The following NDUFS2 variants were observed in gnomAD, a reference collection of about 807,000 sequenced individuals.
NDUFS2 encodes NADH dehydrogenase [ubiquinone] iron-sulfur protein 2, mitochondrial.
NDUFS2 carries 38 observed loss-of-function variants against 69.6 expected under a neutral mutation model. The observed-to-expected ratio is 0.55, with a 90% CI of 0.42 to 0.72. NDUFS2 has a LOEUF of 0.72. NDUFS2 is among the 30% of genes least tolerant of loss of function. The pLI, the probability that NDUFS2 is intolerant of heterozygous loss-of-function variation, is 0.00. For synonymous variants in NDUFS2, 194 were observed against 211.2 expected, an observed-to-expected ratio of 0.92 and a Z score of 0.70; for missense variants, 468 against 595.0, an observed-to-expected ratio of 0.79 and a Z score of 2.22.
chr1:161,202,051 C>G, upstream of NDUFS2: 2 of 429,912 alleles, frequency 4.7e-6, no homozygotes, highest in South Asian at 2.1e-5. Context: ...GGGAAGGAAG[C>G]GCCGCGCGTT....
upstream of NDUFS2, chr1:161,198,130 C>T (rs770076669): frequency 8.1e-6 from 13 of 1,613,966 alleles, no homozygotes; most frequent in African/African-American, 1.3e-5. The surrounding 1 kb of genome is among the most constrained non-coding windows in gnomAD (Gnocchi z 4.7). Context: ...GGGTGCCTCC[C>T]TCCAGGGGCT....
At position 161,203,500 on chromosome 1, in the gene NDUFS2, C is replaced by T. The variant is rs759535654; in HGVS notation, c.159C>T (p.Tyr53=). ...AGCAGTTTGGGGGAGCTGTTATGTA[C>T]CCAAGCAAAGAAACAGCCCACTGGA... ...WAQQFGGAVM[Y]PSKETAHWKP... is the part of the protein sequence containing the mutation. Residue 53 remains tyrosine, a synonymous_variant, in exon 2 of 14, where the codon TAC becomes TAT. Coordinates refer to ENST00000676972, the MANE Select transcript of NDUFS2 (RefSeq NM_001377299.1). 6 of 1,614,044 alleles carry T rather than the reference C, an allele frequency of 3.7e-6. No homozygotes were observed. Among genetic ancestry groups the T allele is most frequent in the Middle Eastern group, 1.7e-4 (1 of 6,004 alleles).
At position 161,214,285 on chromosome 1, in the gene NDUFS2, G is replaced by A; in HGVS notation, c.*92G>A. The A allele has an allele frequency of 8.9e-7, 1 of 1,118,038 alleles. No individual in the cohort carries two copies. Among genetic ancestry groups the A allele is most frequent in the Non-Finnish European group, 1.4e-6 (1 of 740,468 alleles). The allele number at this position is 1,118,038 out of a possible 1,614,324, so 69.3% of individuals were successfully genotyped here. A position where few individuals can be genotyped will look rare whatever the true frequency, so the allele number is the denominator to read the frequency against. Reference sequence around the variant, plus strand: ...AATTGGCCTCTGTGTGTGTGTGTGTGTGTGTGTGTGTGTGTATGTTCATGT... The same window carrying A: ...AATTGGCCTCTGTGTGTGTGTGTGTATGTGTGTGTGTGTGTATGTTCATGT... On this transcript the variant is annotated 3_prime_UTR_variant, in exon 14 of 14. Transcript: ENST00000676972.
chr1:161,212,208 C>A, intron 9 of NDUFS2, 143 bp from the exon 10 acceptor site: 1 of 1,064,874 alleles, frequency 9.4e-7, no homozygotes, highest in Non-Finnish European at 1.4e-6. Flanking sequence ...TATGGGTGGC[C>A]AAGCCAAGCA....
At chr1:161,198,670 C>A, upstream of NDUFS2, 1 of 1,443,594 alleles carries the variant, frequency 6.9e-7, no homozygotes, top group South Asian at 1.5e-5. The surrounding 1 kb of genome is among the most constrained non-coding windows in gnomAD (Gnocchi z 4.7). Context: ...CCGTCTAGGG[C>A]ACCAAGTCCT....
At chr1:161,206,643 T>C in intron 3 of NDUFS2, 46 bp downstream of exon 3, 1 of 1,601,268 alleles carries the variant, frequency 6.2e-7, no homozygotes, top group Non-Finnish European at 8.5e-7. Flanking sequence ...TGGGGTTGCT[T>C]TAGCCTGGGG....
At position 161,209,876 on chromosome 1, in the gene NDUFS2, G is replaced by C. The variant is rs747789209; in HGVS notation, c.647G>C (p.Arg216Pro). The C allele has an allele frequency of 6.2e-7, 1 of 1,614,082 alleles. No individual in the cohort carries two copies. The highest frequency in any genetic ancestry group is 8.5e-7 in the Non-Finnish European group (1 of 1,180,030). Reference protein sequence around the residue: ...EREKMFEFYERVSGARMHAAY... With the variant: ...EREKMFEFYEPVSGARMHAAY... ...ATGAAGATGTTTGAGTTCTACGAGC[G>C]AGTGTCTGGAGCCCGAATGCATGCT... Residue 216 changes from arginine to proline, a missense_variant, in exon 6 of 14, where the codon CGA becomes CCA. Physicochemically the swap from Arg to Pro is moderately radical, Grantham distance 103. Around this residue, in one of 3 missense-constraint regions of NDUFS2, gnomAD observed 339 missense variants for 433.8 expected, o/e 0.78. Coordinates refer to ENST00000676972, the MANE Select transcript of NDUFS2 (RefSeq NM_001377299.1).
At chr1:161,210,254 T>G (rs1173711698) in intron 7 of NDUFS2, 50 bp from the exon 8 acceptor site, 1 of 1,610,088 alleles carries the variant, frequency 6.2e-7, no homozygotes, top group South Asian at 1.1e-5. Flanking sequence ...ACAGAGATAT[T>G]TGAAGAGTGT....
At position 161,203,528 on chromosome 1, in the gene NDUFS2, C is replaced by T. The variant is rs780326493; in HGVS notation, c.187C>T (p.Pro63Ser). The T allele has an allele frequency of 1.2e-6, 2 of 1,613,476 alleles. No individual in the cohort carries two copies. The highest frequency in any genetic ancestry group is 2.7e-5 in the African/African-American group (2 of 74,922). The change falls in exon 2 of 14, where the codon CCT becomes TCT. Residue 63 changes from proline to serine, a missense_variant. Physicochemically the swap from Pro to Ser is moderately conservative, Grantham distance 74. Coordinates refer to ENST00000676972, the MANE Select transcript of NDUFS2 (RefSeq NM_001377299.1). ...AAGCAAAGAAACAGCCCACTGGAAG[C>T]CTCCACCTTGGAATGGTGAGTGACC... is the stretch of plus-strand genomic sequence containing the variant. ...YPSKETAHWK[P>S]PPWNDVDPPK... is the part of the protein sequence containing the mutation.
chr1:161,212,880 G>GTA (rs1174572674), intron 10 of NDUFS2, among the ~76,000 whole-genome samples: 1 of 151,912 alleles, frequency 6.6e-6, no homozygotes. Context: ...AGAATTTACT[G>GTA]TGTAGTAAGA....
intron 8 of NDUFS2, 69 bp from the exon 9 acceptor site, chr1:161,210,522 C>A (rs1571617333): frequency 6.2e-6 from 10 of 1,611,502 alleles, no homozygotes; most frequent in African/African-American, 4.0e-5. Flanking sequence ...ACAAGGGAGG[C>A]TAAGGAAGAA....
Position 161,209,944 on chromosome 1 carries a change from C to T in NDUFS2, c.702+13C>T. 2.5e-6 allele frequency: 4 copies of T among 1,613,666 alleles called. No homozygotes were observed. The highest frequency in any genetic ancestry group is 2.7e-5 in the African/African-American group (2 of 75,010). ...AGGAGTGCACCAGGTGAGCAGGTCC[C>T]CGGCTTCCCCAAATGTCCAGCCCAG... On this transcript the variant is annotated intron_variant, in intron 6 of 13. Transcript: ENST00000676972.
chr1:161,212,808 T>C (rs988725373), intron 10 of NDUFS2, among the ~76,000 whole-genome samples: 2 of 152,112 alleles, frequency 1.3e-5, no homozygotes, highest in African/African-American at 4.8e-5. Flanking sequence ...ATCCTTGGCC[T>C]CCCAAAGTGC....
intron 12 of NDUFS2, 36 bp from the exon 13 acceptor site, chr1:161,213,826 AGT>A: frequency 6.2e-7 from 1 of 1,613,090 alleles, no homozygotes; most frequent in Non-Finnish European, 8.5e-7. Context: ...CCACCTTGCA[AGT>A]CTTAACTAAC....
upstream of NDUFS2, chr1:161,198,883 C>T: frequency 2.3e-6 from 1 of 438,664 alleles, no homozygotes; most frequent in Admixed American, 3.9e-5. This position sits in a 1 kb window ranked among gnomAD's most constrained non-coding sequence, Gnocchi z 4.7. Context: ...TTTGTCTCTC[C>T]CTGCCTGTGT....
chr1:161,212,264 CT>C, intron 9 of NDUFS2, 86 bp from the exon 10 acceptor site: 1 of 1,565,604 alleles, frequency 6.4e-7, no homozygotes. Flanking sequence ...TGACCTAACC[CT>C]TTTGAGGTTG....
intron 10 of NDUFS2, 38 bp from the exon 11 acceptor site, chr1:161,213,342 G>A (rs763952393): frequency 1.4e-6 from 2 of 1,426,816 alleles, no homozygotes; most frequent in East Asian, 2.3e-5. Flanking sequence ...ACAGAGTTTG[G>A]ATATGGTTTA....
At chr1:161,209,449 G>T in intron 4 of NDUFS2, 34 bp from the exon 5 acceptor site, 2 of 1,611,074 alleles carry the variant, frequency 1.2e-6, no homozygotes, top group Non-Finnish European at 1.7e-6. Flanking sequence ...TCAGTGCTTG[G>T]CTCCTATATC....
Position 161,213,931 on chromosome 1 carries a change from C to A in NDUFS2, c.1354+10C>A, listed in dbSNP as rs201275792. 229 of 1,614,048 alleles carry A rather than the reference C, an allele frequency of 1.4e-4. 2 individuals carry two copies. Among genetic ancestry groups the A allele is most frequent in the Admixed American group, 2.5e-4 (15 of 59,992 alleles). ...GTCGTTGCCATCATAGGTACGAGGC[C>A]TATTGTGTAGTAGAGGTATCCTAGA... On this transcript the variant is annotated intron_variant, in intron 13 of 13. Coordinates refer to ENST00000676972, the MANE Select transcript of NDUFS2 (RefSeq NM_001377299.1).
Sources: allele counts gnomAD v4.1 joint callset (sites outside exome capture counted in the v4.1 genomes callset), GRCh38; gene constraint gnomAD v4.1.1; regional missense constraint gnomAD v4.1.1; non-coding constraint Gnocchi (gnomAD v3.1); transcripts MANE v1.5; gene names NCBI Gene and HGNC (gene_info 2026-07-23, HGNC 2026-07-21).